The following SEZ6L variants were observed in gnomAD, a reference collection of about 807,000 sequenced individuals.
SEZ6L encodes the protein seizure related 6 homolog like, also known as seizure 6-like protein.
A neutral mutation model predicts 106.2 loss-of-function variants in SEZ6L; 37 were observed. The ratio of observed to expected loss-of-function variants is 0.35; its 90% confidence interval spans 0.27 to 0.46. The LOEUF (loss-of-function observed/expected upper bound fraction) is 0.46, where lower values mean the gene tolerates loss of function less well. SEZ6L is among the 20% of genes least tolerant of loss of function. The pLI, the probability that SEZ6L is intolerant of heterozygous loss-of-function variation, is 1.00. For synonymous variants in SEZ6L, 541 were observed against 570.4 expected (o/e 0.95, Z 0.73); for missense variants, 1,172 against 1,332.8 (o/e 0.88, Z 1.88).
In SEZ6L at chr22:26,377,790, C is replaced by A; in HGVS notation, c.3045+15C>A. ...ACGAGACAGGGGTGAGTTGGTCTCT[C>A]TCGTCTCTTCCCAATTCCCTCCCTC... On this transcript the variant is annotated intron_variant, in intron 16 of 16. Transcript: ENST00000248933. The A allele has an allele frequency of 6.4e-7, 1 of 1,552,070 alleles. No homozygotes were observed. Among genetic ancestry groups the A allele is most frequent in the Non-Finnish European group, 8.9e-7 (1 of 1,123,642 alleles).
chr22:26,314,003 T>A, intron 9 of SEZ6L, 101 bp downstream of exon 9: 1 of 1,254,524 alleles, frequency 8.0e-7, no homozygotes, highest in Admixed American at 1.8e-5. Flanking sequence ...TAACTAAGCA[T>A]CTACTATGTG....
rs1294531671 is a variant in SEZ6L, at chr22:26,305,963, C to T, written c.1349-16C>T. Reference sequence around the variant, plus strand: ...TCTGCTCTCTCCCATTGCCCACCCACCCCTTTCTGGATCAGCTCCTTGTGG... The same window carrying T: ...TCTGCTCTCTCCCATTGCCCACCCATCCCTTTCTGGATCAGCTCCTTGTGG... On this transcript the variant is annotated splice_polypyrimidine_tract_variant and intron_variant, in intron 5 of 16. Transcript: ENST00000248933. 6.3e-7 allele frequency: 1 copy of T among 1,592,114 alleles called. No homozygotes were observed. Among genetic ancestry groups the T allele is most frequent in the East Asian group, 2.5e-5 (1 of 39,280 alleles).
chr22:26,343,457 G>A (rs957488406), intron 10 of SEZ6L, among the ~76,000 whole-genome samples: 2 of 152,078 alleles, frequency 1.3e-5, no homozygotes, highest in African/African-American at 4.8e-5. Context: ...AACTTTTTGT[G>A]ATTTGTGTGA....
intron 6 of SEZ6L, among the ~76,000 whole-genome samples, chr22:26,307,492 A>AG (rs1429922596): frequency 6.6e-6 from 1 of 150,482 alleles, no homozygotes; most frequent in Non-Finnish European, 1.5e-5. Context: ...AAAAAAAAAA[A>AG]GACAACTGAA....
At chr22:26,344,315 T>A (rs1033427) in intron 10 of SEZ6L, among the ~76,000 whole-genome samples, 12 of 152,068 alleles carry the variant, frequency 7.9e-5, no homozygotes, top group African/African-American at 4.8e-5. Flanking sequence ...GCCCACTGTC[T>A]ATGGCCAAAG....
intron 1 of SEZ6L, chr22:26,292,159 A>AGGAG: frequency 2.3e-6 from 1 of 428,404 alleles, no homozygotes. Context: ...GAAGGAAGGA[A>AGGAG]GGAAGGAGGA....
chr22:26,271,541 T>C (rs1167310030), intron 1 of SEZ6L, among the ~76,000 whole-genome samples: 1 of 152,206 alleles, frequency 6.6e-6, no homozygotes, highest in African/African-American at 2.4e-5. Flanking sequence ...TGATCATAAA[T>C]GGCTTGGCGT....
chr22:26,224,648 G>GT (rs2078583512), intron 1 of SEZ6L, among the ~76,000 whole-genome samples: 2 of 152,190 alleles, frequency 1.3e-5, no homozygotes, highest in Admixed American at 1.3e-4. Flanking sequence ...TAGGATTAGG[G>GT]TGGTGGCAGT....
chr22:26,366,356 T>C lies in SEZ6L; in HGVS notation c.2794+790T>C, dbSNP rs370935653. Among the ~76,000 whole-genome samples the C allele has an allele frequency of 1.1e-4, 17 of 150,808 alleles. No homozygotes were observed. In the East Asian group the frequency reaches 3.2e-3, roughly 28 times the overall value. ...CTAAAAAATGAAAACATAAAGGTCT[T>C]TAAGCTTTTTATCATATATCACAAT... On this transcript the variant is annotated intron_variant, in intron 13 of 16. Transcript: ENST00000248933.
chr22:26,176,131 A>G (rs547996170), intron 1 of SEZ6L, among the ~76,000 whole-genome samples: 2 of 152,204 alleles, frequency 1.3e-5, no homozygotes, highest in Non-Finnish European at 2.9e-5. Context: ...ATGTGTTCCT[A>G]TCAGGTGGTA....
chr22:26,242,450 C>A (rs2079169056), intron 1 of SEZ6L, among the ~76,000 whole-genome samples: 1 of 152,178 alleles, frequency 6.6e-6, no homozygotes, highest in African/African-American at 2.4e-5. Context: ...AAGTCCAGCT[C>A]AAGCTCGTGG....
At chr22:26,293,250 A>G in intron 2 of SEZ6L, 104 bp downstream of exon 2, 3 of 1,407,806 alleles carry the variant, frequency 2.1e-6, no homozygotes, top group Non-Finnish European at 2.8e-6. Context: ...CGGCCCCACC[A>G]TCAGTTACCG....
At chr22:26,292,022 AGGAAGGAAGGAAGGAT>A (rs1373872369) in intron 1 of SEZ6L, among the ~76,000 whole-genome samples, 5,873 of 122,500 alleles carry the variant, frequency 0.048, 342 homozygotes, top group African/African-American at 0.098. Flanking sequence ...GAAGGAAGGA[AGGAAGGAAGGAAGGAT>A]GGATGGAAGG....
chr22:26,358,047 A>T (rs899278059), intron 12 of SEZ6L, among the ~76,000 whole-genome samples: 31 of 152,302 alleles, frequency 2.0e-4, no homozygotes, highest in African/African-American at 7.2e-4. Flanking sequence ...CAGAGCCCAC[A>T]GGTGCTGTGG....
At position 26,259,031 on chromosome 22, in the gene SEZ6L, C is replaced by T. The variant is rs548902717; in HGVS notation, c.95-33375C>T. ...TTAGTTTGGGCCAGTGGGCATGGCCCAATGGAGGTAAAGGAAATGATAAAG... is the reference window on the plus strand; with the variant it reads ...TTAGTTTGGGCCAGTGGGCATGGCCTAATGGAGGTAAAGGAAATGATAAAG... On this transcript the variant is annotated intron_variant, in intron 1 of 16. Coordinates refer to ENST00000248933, the MANE Select transcript of SEZ6L (RefSeq NM_021115.5). 7.2e-5 allele frequency among the ~76,000 whole-genome samples: 11 copies of T among 152,154 alleles called. No individual in the cohort carries two copies. The East Asian group carries it at 1.5e-3, about 21-fold the overall frequency.
chr22:26,209,323 T>C (rs1380459130), intron 1 of SEZ6L, among the ~76,000 whole-genome samples: 2 of 152,238 alleles, frequency 1.3e-5, no homozygotes, highest in South Asian at 2.1e-4. Flanking sequence ...GTAACCCATA[T>C]GCTGCCAATA....
In SEZ6L at chr22:26,203,829, A is replaced by G. The variant is rs997925; in HGVS notation, c.94+34066A>G. ...TATGGACCTCTAAGTGAGGTGCAGA[A>G]AGGGTTATTTTGAACAATGTAGACC... On this transcript the variant is annotated intron_variant, in intron 1 of 16. Coordinates refer to ENST00000248933, the MANE Select transcript of SEZ6L (RefSeq NM_021115.5). Among the ~76,000 whole-genome samples, 501 of 152,326 alleles carry G rather than the reference A, an allele frequency of 3.3e-3. 12 individuals are homozygous for G. The South Asian group carries it at 0.064, about 20-fold the overall frequency.
intron 1 of SEZ6L, among the ~76,000 whole-genome samples, chr22:26,199,518 T>C (rs1159270627): frequency 6.6e-6 from 1 of 152,186 alleles, no homozygotes; most frequent in Admixed American, 6.5e-5. Flanking sequence ...TTAATTGCAT[T>C]GGTTCAATTT....
rs116277617 is a variant in SEZ6L at position 26,184,317 on chromosome 22, T to C, written c.94+14554T>C. Among the ~76,000 whole-genome samples, 331 of 152,312 alleles carry C rather than the reference T, an allele frequency of 2.2e-3. 1 individual carries two copies. Among genetic ancestry groups the C allele is most frequent in the African/African-American group, 7.6e-3 (314 of 41,562 alleles). ...CTAGTACCAAGCAAGGGTGCCCCTC[T>C]ACCCCACTTCTGGGATCCCTAACCA... On this transcript the variant is annotated intron_variant, in intron 1 of 16. Coordinates refer to ENST00000248933, the MANE Select transcript of SEZ6L (RefSeq NM_021115.5).
Sources: gnomAD v4.1 joint callset for allele counts (sites outside exome capture counted in the v4.1 genomes callset) on GRCh38, gnomAD v4.1.1 for gene constraint, MANE v1.5 for transcripts, NCBI Gene and HGNC (gene_info 2026-07-23, HGNC 2026-07-21) for gene names.